INPP5B: variants seen among roughly 807,000 people sequenced by gnomAD.
INPP5B encodes type II inositol 1,4,5-trisphosphate 5-phosphatase.
A neutral mutation model predicts 118.5 loss-of-function variants in INPP5B; 90 were observed. The observed-to-expected ratio is 0.76, with a 90% confidence interval of 0.64 to 0.90. The LOEUF is 0.90. Ranked by LOEUF, INPP5B falls within the 40% of genes least tolerant of loss-of-function variation. INPP5B has a pLI of 0.00. For missense variants in INPP5B, 984 were observed against 1,125.6 expected, an observed-to-expected ratio of 0.87 and a Z score of 1.80; for synonymous variants, 385 against 418.9, an observed-to-expected ratio of 0.92 and a Z score of 0.99.
chr1:37,872,388 A>AAG (rs34602797), intron 19 of INPP5B, among the ~76,000 whole-genome samples: 1 of 150,370 alleles, frequency 6.7e-6, no homozygotes, highest in Non-Finnish European at 1.5e-5. Flanking sequence ...AAAAAAAAAA[A>AAG]GAAGTGGAGT....
At chr1:37,934,766 G>GAC (rs1557721796) in intron 6 of INPP5B, among the ~76,000 whole-genome samples, 1 of 152,136 alleles carries the variant, frequency 6.6e-6, no homozygotes, top group South Asian at 2.1e-4. Flanking sequence ...GGGACTGCAA[G>GAC]ACACACACCC....
At chr1:37,928,261 C>A (rs1049408239) in intron 7 of INPP5B, among the ~76,000 whole-genome samples, 1 of 152,078 alleles carries the variant, frequency 6.6e-6, no homozygotes. Flanking sequence ...GCAATCGCCA[C>A]CTCCCGGGTT....
At chr1:37,924,002 T>A (rs1645141328) in intron 7 of INPP5B, among the ~76,000 whole-genome samples, 1 of 151,954 alleles carries the variant, frequency 6.6e-6, no homozygotes, top group South Asian at 2.1e-4. Flanking sequence ...GGTCTCAAAC[T>A]CCTGACCTCA....
intron 19 of INPP5B, among the ~76,000 whole-genome samples, chr1:37,871,576 C>T (rs936532798): frequency 2.0e-5 from 3 of 151,622 alleles, no homozygotes; most frequent in East Asian, 1.9e-4. Flanking sequence ...AAGACCAGCC[C>T]GGCCGACATG....
At chr1:37,928,954 T>C (rs1645344687) in intron 7 of INPP5B, 1 of 151,960 alleles carries the variant, frequency 6.6e-6, no homozygotes, top group South Asian at 2.1e-4. Flanking sequence ...TCCCACCTGT[T>C]ATAGAAGATG....
At chr1:37,914,378 G>A (rs1644800251) in intron 7 of INPP5B, among the ~76,000 whole-genome samples, 2 of 151,920 alleles carry the variant, frequency 1.3e-5, no homozygotes, top group Admixed American at 6.6e-5. Flanking sequence ...AGTCTGGCTC[G>A]GGACCCCTTT....
intron 7 of INPP5B, chr1:37,928,796 A>C (rs925329969): frequency 1.3e-5 from 2 of 152,184 alleles, no homozygotes; most frequent in African/African-American, 4.8e-5. Context: ...CCAGCCAAAA[A>C]CAGCATTTTT....
chr1:37,901,590 TG>T (rs1382750120), intron 7 of INPP5B, among the ~76,000 whole-genome samples: 1 of 152,116 alleles, frequency 6.6e-6, no homozygotes, highest in African/African-American at 2.4e-5. Flanking sequence ...GATGGGAAAA[TG>T]GCCCTGCATC....
At chr1:37,946,420 AG>A in intron 1 of INPP5B, 86 bp from the exon 2 acceptor site, 1 of 677,462 alleles carries the variant, frequency 1.5e-6, no homozygotes, top group Middle Eastern at 3.5e-4. Context: ...TGGGGGCAGG[AG>A]GGAGGGGCCT....
At position 37,878,373 on chromosome 1, in the gene INPP5B, G is replaced by A. The variant is rs201906891; in HGVS notation, c.1542-50C>T. The A allele has an allele frequency of 7.6e-5, 122 of 1,602,356 alleles. 1 individual carries two copies. The South Asian group carries it at 1.1e-3, about 14-fold the overall frequency. On this transcript the variant is annotated intron_variant, in intron 15 of 23. Coordinates refer to ENST00000373024, the MANE Select transcript of INPP5B (RefSeq NM_005540.3). ...AGTACTCACAGAAACAGCAGTGCCCGCTGCCTGGCGAGTGCCCTGGCTCAG... is the reference window on the plus strand; with the variant it reads ...AGTACTCACAGAAACAGCAGTGCCCACTGCCTGGCGAGTGCCCTGGCTCAG...
chr1:37,906,021 T>A (rs1389469261), intron 7 of INPP5B, among the ~76,000 whole-genome samples: 1 of 152,262 alleles, frequency 6.6e-6, no homozygotes, highest in Non-Finnish European at 1.5e-5. Context: ...TATTCTCAAC[T>A]TATGGCAATA....
rs1321879960 is a variant in INPP5B at position 37,907,747 on chromosome 1, T to C, written c.533-16293A>G. Among the ~76,000 whole-genome samples the C allele has an allele frequency of 6.6e-6, 1 of 152,150 alleles. No individual in the cohort carries two copies. Among genetic ancestry groups the C allele is most frequent in the Admixed American group, 6.5e-5 (1 of 15,268 alleles). The stretch of plus-strand genomic sequence containing the variant: ...TACATTCCCTCCAGTGCCTTGACAA[T>C]TTACAAATGCCACGGTAATGTCAGG... On this transcript the variant is annotated intron_variant, in intron 7 of 23. Coordinates refer to ENST00000373024, the MANE Select transcript of INPP5B (RefSeq NM_005540.3). This position sits in a 1 kb window ranked among gnomAD's most constrained non-coding sequence, Gnocchi z 4.3.
At chr1:37,916,392 G>A (rs1007997024) in intron 7 of INPP5B, among the ~76,000 whole-genome samples, 12 of 146,284 alleles carry the variant, frequency 8.2e-5, no homozygotes, top group Admixed American at 3.6e-4. Flanking sequence ...CTGCAGTCTG[G>A]GCTTTTTCTT....
At chr1:37,899,773 G>A (rs990764814) in intron 7 of INPP5B, among the ~76,000 whole-genome samples, 2 of 151,294 alleles carry the variant, frequency 1.3e-5, no homozygotes, top group Non-Finnish European at 2.9e-5. Context: ...GAAGTGCAGC[G>A]GCACGATCTC....
In INPP5B at chr1:37,945,794, G is replaced by A. The variant is rs749505805; in HGVS notation, c.114C>T (p.Leu38=). The A allele has an allele frequency of 1.3e-5, 21 of 1,613,886 alleles. No individual in the cohort carries two copies. The highest frequency in any genetic ancestry group is 1.6e-4 in the Middle Eastern group (1 of 6,084). The change falls in exon 3 of 24, where the codon CTC becomes CTT. Residue 38 remains leucine (L), a synonymous_variant. Coordinates refer to ENST00000373024, the MANE Select transcript of INPP5B (RefSeq NM_005540.3). ...GDSRQSRLLG[L]VRYRLEHGGQ... ...CGCCGTGCTCCAGGCGGTAGCGCAC[G>A]AGTCCCAGGAGGCGGCTCTGCCGGC...
At chr1:37,916,017 A>C (rs1323243905) in intron 7 of INPP5B, among the ~76,000 whole-genome samples, 1 of 152,194 alleles carries the variant, frequency 6.6e-6, no homozygotes, top group East Asian at 1.9e-4. Flanking sequence ...AGACCTATAA[A>C]ACAAAGATAG....
Position 37,885,650 on chromosome 1 carries a change from A to T in INPP5B, c.1307T>A (p.Ile436Asn). 1 of 1,613,726 alleles carries T rather than the reference A, an allele frequency of 6.2e-7. No homozygotes were observed. The highest frequency in any genetic ancestry group is 8.5e-7 in the Non-Finnish European group (1 of 1,179,950). Residue 436 changes from isoleucine to asparagine, a missense_variant, in exon 13 of 24, where the codon ATC (isoleucine) becomes AAC (asparagine). Physicochemically the swap from Ile to Asn is moderately radical, Grantham distance 149. Transcript: ENST00000373024. ...QPDPSLPPLT[I>N]SNHDVILWLG... is the part of the protein sequence containing the mutation. ...AGCCCAGACTCACTCATGGTTGCTG[A>T]TGGTGAGAGGGGGAAGGCTTGGGTC...
chr1:37,866,479 G>A lies in INPP5B; in HGVS notation c.2366C>T (p.Thr789Ile). 1 of 1,598,984 alleles carries A rather than the reference G, an allele frequency of 6.3e-7. No homozygotes were observed. Among genetic ancestry groups the A allele is most frequent in the Non-Finnish European group, 8.6e-7 (1 of 1,168,166 alleles). Residue 789 changes from threonine (T) to isoleucine (I), a missense_variant, in exon 21 of 24, where the codon ACT (threonine) becomes ATT (isoleucine). Around this residue, in one of 2 missense-constraint regions of INPP5B, gnomAD observed 634 missense variants for 791.0 expected, o/e 0.80. Transcript: ENST00000373024. Reference sequence around the variant, plus strand: ...GATACAGAGGTTATCAATCATTCCAGTATCCAAGCAGTCCCTGATATGTTC... The same window carrying A: ...GATACAGAGGTTATCAATCATTCCAATATCCAAGCAGTCCCTGATATGTTC... Reference protein sequence around the residue: ...EFEHIRDCLDTGMIDNLSASN... With the variant: ...EFEHIRDCLDIGMIDNLSASN...
intron 19 of INPP5B, among the ~76,000 whole-genome samples, chr1:37,872,094 C>T (rs1642487518): frequency 7.3e-6 from 1 of 137,496 alleles, no homozygotes; most frequent in Non-Finnish European, 1.6e-5. Context: ...AAGCCAGGCG[C>T]GGTGGCTCAT....
Sources: gnomAD v4.1 joint callset for allele counts (sites outside exome capture counted in the v4.1 genomes callset) on GRCh38, gnomAD v4.1.1 for gene constraint, gnomAD v4.1.1 regional missense constraint, Gnocchi (gnomAD v3.1) non-coding constraint, MANE v1.5 for transcripts, NCBI Gene and HGNC (gene_info 2026-07-23, HGNC 2026-07-21) for gene names.